The following RBM47 variants were observed in gnomAD, a reference collection of about 807,000 sequenced individuals.
RBM47 encodes RNA-binding protein 47.
RBM47 carries 21 observed loss-of-function variants against 47.1 expected under a neutral mutation model. That is an observed-to-expected ratio of 0.45 (90% CI 0.32 to 0.64). RBM47 has a LOEUF of 0.64. RBM47 is among the 30% of genes least tolerant of loss of function. The pLI is 0.05. For synonymous variants in RBM47, 375 were observed against 361.7 expected, an observed-to-expected ratio of 1.04 and a Z score of -0.42; for missense variants, 708 against 870.9, an observed-to-expected ratio of 0.81 and a Z score of 2.35.
At chr4:40,601,041 T>C (rs1428011744) in intron 1 of RBM47, among the ~76,000 whole-genome samples, 1 of 149,458 alleles carries the variant, frequency 6.7e-6, no homozygotes, top group Non-Finnish European at 1.5e-5. Context: ...AGTAAGCCTT[T>C]CCAGTCACAG....
rs1553904695 is a variant in RBM47 at position 40,581,454 on chromosome 4, A to AAAT, written c.-239-36951_-239-36949dup. Among the ~76,000 whole-genome samples, 138 of 148,436 alleles carry AAAT rather than the reference A, an allele frequency of 9.3e-4. 1 individual carries two copies. The highest frequency in any genetic ancestry group is 1.5e-3 in the Non-Finnish European group (99 of 67,706). Reference sequence around the variant, plus strand: ...AGTAATAATAAATAAATAAATAAATAAATAAATAAATAAAAGGAGAGGTCA... The same window carrying AAAT: ...AGTAATAATAAATAAATAAATAAATAAATAATAAATAAATAAAAGGAGAGGTCA... On this transcript the variant is annotated intron_variant, in intron 1 of 6. Transcript: ENST00000295971.
intron 1 of RBM47, among the ~76,000 whole-genome samples, chr4:40,566,623 C>T (rs369095252): frequency 5.9e-5 from 9 of 151,886 alleles, no homozygotes; most frequent in East Asian, 1.9e-4. Context: ...CCACGCTGGG[C>T]GACAGAGCGA....
intron 2 of RBM47, among the ~76,000 whole-genome samples, chr4:40,499,047 AAAAT>A (rs563213348): frequency 1.3e-5 from 2 of 152,178 alleles, no homozygotes; most frequent in Non-Finnish European, 2.9e-5. Flanking sequence ...CTCCAACTCA[AAAAT>A]AAATAAATAA....
chr4:40,559,278 A>G (rs1380247753), intron 1 of RBM47, among the ~76,000 whole-genome samples: 1 of 152,222 alleles, frequency 6.6e-6, no homozygotes, highest in African/African-American at 2.4e-5. Context: ...ATATTTTTCA[A>G]GTGAGTCTAA....
intron 2 of RBM47, among the ~76,000 whole-genome samples, chr4:40,524,608 A>G (rs1292335830): frequency 6.6e-6 from 1 of 152,198 alleles, no homozygotes. Context: ...GGATTTTCTC[A>G]TGGATGCTTT....
chr4:40,519,000 C>T lies in RBM47; in HGVS notation c.-155+25422G>A, dbSNP rs548007650. Among the ~76,000 whole-genome samples the T allele has an allele frequency of 2.4e-4, 36 of 151,748 alleles. No homozygotes were observed. In the South Asian group the frequency reaches 6.7e-3, roughly 28 times the overall value. The stretch of plus-strand genomic sequence containing the variant: ...ACTTGAGCCCAGAGTTTAAGACCAG[C>T]CTAGGCAACATAGTGAGACCCTTGT... On this transcript the variant is annotated intron_variant, in intron 2 of 6. Coordinates refer to ENST00000295971, the MANE Select transcript of RBM47 (RefSeq NM_001098634.2).
chr4:40,462,202 A>T (rs1167977426), intron 3 of RBM47, among the ~76,000 whole-genome samples: 1 of 152,196 alleles, frequency 6.6e-6, no homozygotes, highest in East Asian at 1.9e-4. Context: ...TCTCCAAGGG[A>T]AGTCTAGACA....
chr4:40,521,160 TTTTA>T (rs1726154691), intron 2 of RBM47, among the ~76,000 whole-genome samples: 1 of 152,090 alleles, frequency 6.6e-6, no homozygotes, highest in African/African-American at 2.4e-5. Flanking sequence ...TTATTTTATT[TTTTA>T]TTTCTTTTTA....
At chr4:40,477,586 T>A (rs866143747) in intron 2 of RBM47, among the ~76,000 whole-genome samples, 2 of 152,188 alleles carry the variant, frequency 1.3e-5, no homozygotes, top group African/African-American at 2.4e-5. Context: ...TTAGAGAGTA[T>A]TCTGAGATTG....
At chr4:40,480,439 C>T (rs193261516) in intron 2 of RBM47, among the ~76,000 whole-genome samples, 4 of 152,284 alleles carry the variant, frequency 2.6e-5, no homozygotes, top group Admixed American at 6.5e-5. Context: ...TTTCTTTCCT[C>T]CTAATTAGCT....
At chr4:40,464,930 A>T (rs1449753840) in intron 3 of RBM47, among the ~76,000 whole-genome samples, 1 of 150,950 alleles carries the variant, frequency 6.6e-6, no homozygotes, top group African/African-American at 2.4e-5. Flanking sequence ...AAAGAAAATT[A>T]AACAACCAAA....
intron 2 of RBM47, among the ~76,000 whole-genome samples, chr4:40,507,813 T>C (rs895631412): frequency 2.0e-5 from 3 of 151,096 alleles, no homozygotes; most frequent in African/African-American, 7.3e-5. Flanking sequence ...CAAGTCTTAT[T>C]TTTAAAACAA....
At chr4:40,480,421 T>A (rs574728735) in intron 2 of RBM47, among the ~76,000 whole-genome samples, 34 of 152,306 alleles carry the variant, frequency 2.2e-4, no homozygotes, top group Non-Finnish European at 4.0e-4. Flanking sequence ...GCTAAGTAGA[T>A]AATCTTCTTT....
intron 1 of RBM47, among the ~76,000 whole-genome samples, chr4:40,553,014 C>G (rs1233437894): frequency 6.6e-6 from 1 of 151,872 alleles, no homozygotes; most frequent in Non-Finnish European, 1.5e-5. Flanking sequence ...GTCACCCAGG[C>G]TGGAGTGCAG....
chr4:40,476,158 T>C (rs557425488), intron 2 of RBM47, among the ~76,000 whole-genome samples: 40 of 152,254 alleles, frequency 2.6e-4, no homozygotes, highest in African/African-American at 9.6e-4. Context: ...AAAACAATAA[T>C]GCCCACCTTG....
chr4:40,485,528 G>A (rs932625797), intron 2 of RBM47, among the ~76,000 whole-genome samples: 10 of 152,070 alleles, frequency 6.6e-5, no homozygotes, highest in African/African-American at 2.4e-4. Flanking sequence ...TAGTTTTATA[G>A]ACAAAGAAAC....
chr4:40,444,736 C>T (rs998128420), intron 3 of RBM47, among the ~76,000 whole-genome samples: 2 of 151,284 alleles, frequency 1.3e-5, no homozygotes, highest in African/African-American at 4.9e-5. Flanking sequence ...ATGATCTTGG[C>T]TCACTGCAAT....
At chr4:40,585,568 G>T (rs1733497100) in intron 1 of RBM47, among the ~76,000 whole-genome samples, 1 of 152,204 alleles carries the variant, frequency 6.6e-6, no homozygotes, top group African/African-American at 2.4e-5. Context: ...TAGCAGCCTT[G>T]ATTAGCCAGA....
intron 2 of RBM47, among the ~76,000 whole-genome samples, chr4:40,516,214 C>A (rs931511260): frequency 2.6e-5 from 4 of 151,770 alleles, no homozygotes; most frequent in Non-Finnish European, 5.9e-5. Flanking sequence ...CTGAGAGGAA[C>A]ATAATGGGTG....
Sources: gnomAD v4.1 joint callset for allele counts (sites outside exome capture counted in the v4.1 genomes callset) on GRCh38, gnomAD v4.1.1 for gene constraint, MANE v1.5 for transcripts, NCBI Gene and HGNC (gene_info 2026-07-23, HGNC 2026-07-21) for gene names.